ZNF319: variants seen among roughly 807,000 people sequenced by gnomAD.
The protein encoded by ZNF319 is zinc finger protein 319.
Under a neutral mutation model 46.0 loss-of-function variants are expected in ZNF319, and 15 were observed. The observed-to-expected ratio is 0.33, with a 90% CI of 0.22 to 0.50. The LOEUF (loss-of-function observed/expected upper bound fraction) is 0.50, where lower values mean the gene tolerates loss of function less well. Among genes scored for constraint, ZNF319 ranks in the 20% least tolerant of loss-of-function variants. The pLI is 0.98. For synonymous variants in ZNF319, 368 were observed against 364.0 expected (o/e 1.01, Z -0.13); for missense variants, 635 against 807.0 (o/e 0.79, Z 2.58).
rs1008622198 is a variant in ZNF319, at chr16:58,000,166, C to T, written c.-931G>A. ...CAGCCCTCGTCCGGGATGGCCCGGCCGCTGCGACCCGAGGGCGAGCCCCGA... is the reference window on the plus strand; with the variant it reads ...CAGCCCTCGTCCGGGATGGCCCGGCTGCTGCGACCCGAGGGCGAGCCCCGA... On this transcript the variant is annotated 5_prime_UTR_variant, in exon 1 of 2. Coordinates refer to ENST00000299237, the MANE Select transcript of ZNF319 (RefSeq NM_020807.3). The surrounding 1 kb of genome is among the most constrained non-coding windows in gnomAD (Gnocchi z 4.5). 1.2e-4 allele frequency among the ~76,000 whole-genome samples: 18 copies of T among 152,284 alleles called. No individual in the cohort carries two copies. Among genetic ancestry groups the T allele is most frequent in the Admixed American group, 2.0e-4 (3 of 15,304 alleles).
Position 57,997,242 on chromosome 16 carries a change from G to A in ZNF319, c.1024C>T (p.Pro342Ser). The change falls in exon 2 of 2, where the codon CCC (proline) becomes TCC (serine). Residue 342 changes from proline to serine, a missense_variant. By Grantham distance (74) the Pro-to-Ser change is moderately conservative. Around this residue, in one of 3 missense-constraint regions of ZNF319, gnomAD observed 138 missense variants for 248.0 expected, o/e 0.56. Transcript: ENST00000299237. ...QHERTHSAER[P>S]FKCDLCPMGF... ...ATGGGGCACAGGTCGCACTTGAAGG[G>A]CCGCTCGGCGCTGTGTGTGCGCTCA... 1 of 1,612,330 alleles carries A rather than the reference G, an allele frequency of 6.2e-7. No homozygotes were observed. The highest frequency in any genetic ancestry group is 8.5e-7 in the Non-Finnish European group (1 of 1,179,870).
Position 57,996,235 on chromosome 16 carries a change from C to T in ZNF319, c.*282G>A, listed in dbSNP as rs1204161105. On this transcript the variant is annotated 3_prime_UTR_variant, in exon 2 of 2. Coordinates refer to ENST00000299237, the MANE Select transcript of ZNF319 (RefSeq NM_020807.3). ...CAGTGCCCCGGAAATAAGGGGGGTGCTGATGGCTCTCAAGAAAGTGAATCT... is the reference window on the plus strand; with the variant it reads ...CAGTGCCCCGGAAATAAGGGGGGTGTTGATGGCTCTCAAGAAAGTGAATCT... 1.4e-5 allele frequency: 7 copies of T among 487,462 alleles called. No individual in the cohort carries two copies. The East Asian group carries it at 2.3e-4, about 16-fold the overall frequency. The allele number at this position is 487,462 out of a possible 1,614,324, so 30.2% of individuals were successfully genotyped here. A position where few individuals can be genotyped will look rare whatever the true frequency, so the allele number is the denominator to read the frequency against.
Position 57,997,591 on chromosome 16 carries a change from G to T in ZNF319, c.675C>A (p.Thr225=), listed in dbSNP as rs767549282. 1.2e-6 allele frequency: 2 copies of T among 1,614,052 alleles called. No individual in the cohort carries two copies. The highest frequency in any genetic ancestry group is 2.2e-5 in the South Asian group (2 of 91,090). The change falls in exon 2 of 2, where the codon ACC becomes ACA. Residue 225 remains threonine, a synonymous_variant. Coordinates refer to ENST00000299237, the MANE Select transcript of ZNF319 (RefSeq NM_020807.3). ...GCGTGCACTTGTAGGGCTTCTCACC[G>T]GTGTGGATCCGCTCATGCCGAGAGA... is the stretch of plus-strand genomic sequence containing the variant. The part of the protein sequence containing the change: ...SELSRHERIH[T]GEKPYKCTLC...
rs1162809659 is a variant in ZNF319 at position 58,000,335 on chromosome 16, A to C, written c.-1100T>G. 6.7e-6 allele frequency: 1 copy of C among 149,864 alleles called. No individual in the cohort carries two copies. The highest frequency in any genetic ancestry group is 1.5e-5 in the Non-Finnish European group (1 of 67,314). 9.3% of individuals were successfully genotyped at this position (149,864 alleles called of 1,614,324 possible). On this transcript the variant is annotated 5_prime_UTR_variant, in exon 1 of 2. Coordinates refer to ENST00000299237, the MANE Select transcript of ZNF319 (RefSeq NM_020807.3). The surrounding 1 kb of genome is among the most constrained non-coding windows in gnomAD (Gnocchi z 4.5). ...GGCGCGGGGGGGCGGCCGGGCCGGCAGAGGAAGGGGTGCGGCGGGCGCGGG... is the reference window on the plus strand; with the variant it reads ...GGCGCGGGGGGGCGGCCGGGCCGGCCGAGGAAGGGGTGCGGCGGGCGCGGG...
At position 57,996,493 on chromosome 16, in the gene ZNF319, C is replaced by T. The variant is rs755042852; in HGVS notation, c.*24G>A. On this transcript the variant is annotated 3_prime_UTR_variant, in exon 2 of 2. Coordinates refer to ENST00000299237, the MANE Select transcript of ZNF319 (RefSeq NM_020807.3). ...GCCCACGGCGCCGACTCAGGTCAGG[C>T]TGGTAGGGGCCACAGCCGCAGAGTC... is the stretch of plus-strand genomic sequence containing the variant. The T allele has an allele frequency of 1.3e-6, 2 of 1,494,510 alleles. No individual in the cohort carries two copies. The highest frequency in any genetic ancestry group is 1.8e-6 in the Non-Finnish European group (2 of 1,126,028). The allele number at this position is 1,494,510 out of a possible 1,614,324, so 92.6% of individuals were successfully genotyped here.
In ZNF319 at chr16:57,996,949, G is replaced by A. The variant is rs1318653458; in HGVS notation, c.1317C>T (p.Arg439=). The part of the protein sequence containing the change: ...KCPVCNKAYK[R]ASALQKHQLA... ...GCTGGTGCTTCTGCAGGGCCGACGCGCGCTTGTAGGCCTTGTTGCACACAG... is the reference window on the plus strand; with the variant it reads ...GCTGGTGCTTCTGCAGGGCCGACGCACGCTTGTAGGCCTTGTTGCACACAG... The change falls in exon 2 of 2, where the codon CGC becomes CGT. Residue 439 remains arginine, a synonymous_variant. Coordinates refer to ENST00000299237, the MANE Select transcript of ZNF319 (RefSeq NM_020807.3). 6.2e-7 allele frequency: 1 copy of A among 1,601,728 alleles called. No homozygotes were observed. Among genetic ancestry groups the A allele is most frequent in the Non-Finnish European group, 8.5e-7 (1 of 1,178,612 alleles).
At position 57,997,579 on chromosome 16, in the gene ZNF319, G is replaced by A. The variant is rs762090549; in HGVS notation, c.687C>T (p.Pro229=). 6 of 1,613,968 alleles carry A rather than the reference G, an allele frequency of 3.7e-6. No individual in the cohort carries two copies. Among genetic ancestry groups the A allele is most frequent in the Admixed American group, 3.3e-5 (2 of 60,016 alleles). Residue 229 remains proline, a synonymous_variant, in exon 2 of 2, where the codon CCC becomes CCT. Transcript: ENST00000299237. ...RHERIHTGEK[P]YKCTLCDKSF... Reference sequence around the variant, plus strand: ...TTTTGTCACACAGCGTGCACTTGTAGGGCTTCTCACCGGTGTGGATCCGCT... The same window carrying A: ...TTTTGTCACACAGCGTGCACTTGTAAGGCTTCTCACCGGTGTGGATCCGCT...
At position 57,998,227 on chromosome 16, in the gene ZNF319, C is replaced by T. The variant is rs755117561; in HGVS notation, c.39G>A (p.Pro13=). 9.8e-6 allele frequency: 15 copies of T among 1,530,808 alleles called. No homozygotes were observed. Among genetic ancestry groups the T allele is most frequent in the Middle Eastern group, 1.8e-4 (1 of 5,652 alleles). 94.8% of individuals were successfully genotyped at this position (1,530,808 alleles called of 1,614,324 possible). Residue 13 remains proline (P), a synonymous_variant, in exon 2 of 2, where the codon CCG becomes CCA. Coordinates refer to ENST00000299237, the MANE Select transcript of ZNF319 (RefSeq NM_020807.3). ...ESWQQPPQTQ[P]QQPQPPQPQH... ...GAGGCTGCGGTGGCTGTGGCTGCTG[C>T]GGCTGCGTCTGTGGCGGCTGTTGCC...
chr16:57,996,656 G>C lies in ZNF319; in HGVS notation c.1610C>G (p.Ala537Gly), dbSNP rs1402928142. 1.2e-6 allele frequency: 2 copies of C among 1,612,780 alleles called. No individual in the cohort carries two copies. Among genetic ancestry groups the C allele is most frequent in the Admixed American group, 1.7e-5 (1 of 60,010 alleles). The change falls in exon 2 of 2, where the codon GCC becomes GGC. Residue 537 changes from alanine (A) to glycine (G), a missense_variant. Physicochemically the swap from Ala to Gly is moderately conservative, Grantham distance 60. Transcript: ENST00000299237. Reference protein sequence around the residue: ...EHLNKHQGVHAREQQFKCVWC... With the variant: ...EHLNKHQGVHGREQQFKCVWC... ...TACACACTTGAACTGCTGCTCGCGGGCGTGCACGCCCTGGTGCTTGTTGAG... is the reference window on the plus strand; with the variant it reads ...TACACACTTGAACTGCTGCTCGCGGCCGTGCACGCCCTGGTGCTTGTTGAG...
chr16:57,999,017 G>T (rs890181941), intron 1 of ZNF319, among the ~76,000 whole-genome samples: 1 of 152,096 alleles, frequency 6.6e-6, no homozygotes, highest in Non-Finnish European at 1.5e-5. Context: ...GGACAACTAC[G>T]TGGAACCAAG....
chr16:58,000,125 C>T lies in ZNF319; in HGVS notation c.-890G>A, dbSNP rs903737240. 7.2e-5 allele frequency among the ~76,000 whole-genome samples: 11 copies of T among 152,166 alleles called. No homozygotes were observed. The highest frequency in any genetic ancestry group is 1.3e-4 in the Non-Finnish European group (9 of 67,992). On this transcript the variant is annotated 5_prime_UTR_variant, in exon 1 of 2. Transcript: ENST00000299237. This position sits in a 1 kb window ranked among gnomAD's most constrained non-coding sequence, Gnocchi z 4.5. ...CCGCCGGCCCTGCCTGCAGGCCCAGCTGGGCTGCGTCCTGTCAGCCCTCGT... is the reference window on the plus strand; with the variant it reads ...CCGCCGGCCCTGCCTGCAGGCCCAGTTGGGCTGCGTCCTGTCAGCCCTCGT...
Position 57,997,289 on chromosome 16 carries a change from C to T in ZNF319, c.977G>A (p.Arg326Gln). The change falls in exon 2 of 2, where the codon CGG becomes CAG. Residue 326 changes from arginine (R) to glutamine (Q), a missense_variant. This residue lies in a region of ZNF319 where 138 missense variants were observed against 248.0 expected (regional missense o/e 0.56). Transcript: ENST00000299237. ...CTCATGCTGCCGCAGGTCCGAGGGC[C>T]GCTTGAAGGCCTTCTGGCACTCGCC... ...RCGECQKAFK[R>Q]PSDLRQHERT... is the part of the protein sequence containing the mutation. The T allele has an allele frequency of 6.2e-7, 1 of 1,607,328 alleles. No homozygotes were observed. The highest frequency in any genetic ancestry group is 1.1e-5 in the South Asian group (1 of 90,854).
chr16:57,998,080 G>A lies in ZNF319; in HGVS notation c.186C>T (p.Pro62=). The change falls in exon 2 of 2, where the codon CCC becomes CCT. Residue 62 remains proline, a synonymous_variant. Transcript: ENST00000299237. The part of the protein sequence containing the change: ...ILLQPDPGLQ[P]PQHAPLQAAG... ...CTGCCTGCAGGGGTGCGTGTTGTGG[G>A]GGCTGCAGGCCGGGGTCTGGCTGCA... 6.2e-7 allele frequency: 1 copy of A among 1,608,840 alleles called. No individual in the cohort carries two copies. Among genetic ancestry groups the A allele is most frequent in the Non-Finnish European group, 8.5e-7 (1 of 1,179,096 alleles).
Position 57,994,986 on chromosome 16 carries a change from A to G in ZNF319, c.*1531T>C, listed in dbSNP as rs1281610664. 6.6e-6 allele frequency: 1 copy of G among 152,218 alleles called. No homozygotes were observed. Among genetic ancestry groups the G allele is most frequent in the Non-Finnish European group, 1.5e-5 (1 of 68,036 alleles). 9.4% of individuals were successfully genotyped at this position (152,218 alleles called of 1,614,324 possible). The stretch of plus-strand genomic sequence containing the variant: ...GAAGGACCAGCCCCTCCCTGTGGCC[A>G]CAGGAAGGAACTCAGTCAGACAGAG... On this transcript the variant is annotated 3_prime_UTR_variant, in exon 2 of 2. Transcript: ENST00000299237.
chr16:57,996,299 C>A lies in ZNF319; in HGVS notation c.*218G>T. The A allele has an allele frequency of 1.1e-6, 1 of 887,514 alleles. No individual in the cohort carries two copies. The highest frequency in any genetic ancestry group is 1.6e-6 in the Non-Finnish European group (1 of 620,230). The allele number at this position is 887,514 out of a possible 1,614,324, so 55.0% of individuals were successfully genotyped here. On this transcript the variant is annotated 3_prime_UTR_variant, in exon 2 of 2. Coordinates refer to ENST00000299237, the MANE Select transcript of ZNF319 (RefSeq NM_020807.3). ...AGGTTTGTGGAATCAGGATGGGCCA[C>A]AGCAATCTGGCCGCCCGCACTGCCC...
chr16:57,994,954 C>A lies in ZNF319; in HGVS notation c.*1563G>T, dbSNP rs1962984559. Reference sequence around the variant, plus strand: ...GAGGCATTGTGACAGAGAGCCAGCACCGAGGGGAAGGACCAGCCCCTCCCT... The same window carrying A: ...GAGGCATTGTGACAGAGAGCCAGCAACGAGGGGAAGGACCAGCCCCTCCCT... On this transcript the variant is annotated 3_prime_UTR_variant, in exon 2 of 2. Coordinates refer to ENST00000299237, the MANE Select transcript of ZNF319 (RefSeq NM_020807.3). The A allele has an allele frequency of 6.6e-6, 1 of 152,138 alleles. No homozygotes were observed. The highest frequency in any genetic ancestry group is 1.5e-5 in the Non-Finnish European group (1 of 68,050). The allele number at this position is 152,138 out of a possible 1,614,324, so 9.4% of individuals were successfully genotyped here. A position where few individuals can be genotyped will look rare whatever the true frequency, so the allele number is the denominator to read the frequency against.
Position 57,997,728 on chromosome 16 carries a change from C to T in ZNF319, c.538G>A (p.Ala180Thr), listed in dbSNP as rs779533861. The T allele has an allele frequency of 3.1e-6, 5 of 1,613,602 alleles. No individual in the cohort carries two copies. The highest frequency in any genetic ancestry group is 3.3e-5 in the Admixed American group (2 of 60,028). ...GCGGGTGCTGCGGGAAGCGACGGGG[C>T]GGCTGTGGTGGCTGGCTCCGCTGCC... ...AEAAEPATTA[A>T]PSLPAAPAPS... The change falls in exon 2 of 2, where the codon GCC becomes ACC. Residue 180 changes from alanine to threonine, a missense_variant. This residue lies in a region of ZNF319 where 227 missense variants were observed against 277.5 expected (regional missense o/e 0.82). Coordinates refer to ENST00000299237, the MANE Select transcript of ZNF319 (RefSeq NM_020807.3).
rs1963112879 is a variant in ZNF319, at chr16:57,999,671, C to T, written c.-436G>A. On this transcript the variant is annotated 5_prime_UTR_variant, in exon 1 of 2. Transcript: ENST00000299237. The stretch of plus-strand genomic sequence containing the variant: ...CAGGACAGTCTGGCCTCTAACTGCT[C>T]TGCCAAAGAAATGTAAGAGTCAGGC... The T allele has an allele frequency of 6.6e-6, 1 of 152,276 alleles. No homozygotes were observed. Among genetic ancestry groups the T allele is most frequent in the African/African-American group, 2.4e-5 (1 of 41,456 alleles). 9.4% of individuals were successfully genotyped at this position (152,276 alleles called of 1,614,324 possible).
chr16:57,996,521 G>C lies in ZNF319; in HGVS notation c.1745C>G (p.Pro582Arg). ...EGAYQVAACL[P>R] ...GTAGGGGCCACAGCCGCAGAGTCAG[G>C]GCAGGCAGGCGGCTACCTGGTAGGC... The change falls in exon 2 of 2, where the codon CCC becomes CGC. Residue 582 changes from proline (P) to arginine (R), a missense_variant. Transcript: ENST00000299237. 1 of 1,527,432 alleles carries C rather than the reference G, an allele frequency of 6.5e-7. No homozygotes were observed. The allele number at this position is 1,527,432 out of a possible 1,614,324, so 94.6% of individuals were successfully genotyped here.
Sources: allele counts gnomAD v4.1 joint callset (sites outside exome capture counted in the v4.1 genomes callset), GRCh38; gene constraint gnomAD v4.1.1; regional missense constraint gnomAD v4.1.1; non-coding constraint Gnocchi (gnomAD v3.1); transcripts MANE v1.5; gene names NCBI Gene and HGNC (gene_info 2026-07-23, HGNC 2026-07-21).